The following ANKS1B variants were observed in gnomAD, a reference collection of about 807,000 sequenced individuals.
ANKS1B encodes the protein ankyrin repeat and sterile alpha motif domain-containing protein 1B.
In ANKS1B, 36 loss-of-function variants were observed where a neutral mutation model predicts 148.3. The observed-to-expected ratio is 0.24, with a 90% confidence interval of 0.19 to 0.32. The LOEUF is 0.32. Ranked by LOEUF, ANKS1B falls within the 10% of genes least tolerant of loss-of-function variation. ANKS1B has a pLI of 1.00. For missense variants in ANKS1B, 1,157 were observed against 1,542.6 expected, an observed-to-expected ratio of 0.75 and a Z score of 4.19; for synonymous variants, 542 against 560.8, an observed-to-expected ratio of 0.97 and a Z score of 0.47.
intron 15 of ANKS1B, among the ~76,000 whole-genome samples, chr12:99,149,784 A>G (rs894026485): frequency 6.6e-5 from 10 of 152,030 alleles, no homozygotes; most frequent in Admixed American, 3.3e-4. Flanking sequence ...CTTTATTTCA[A>G]GCTATGATAG....
chr12:99,341,540 G>C lies in ANKS1B; in HGVS notation c.1756+58091C>G, dbSNP rs563762606. 4.6e-5 allele frequency among the ~76,000 whole-genome samples: 7 copies of C among 152,208 alleles called. No homozygotes were observed. The East Asian group carries it at 1.4e-3, about 29-fold the overall frequency. On this transcript the variant is annotated intron_variant, in intron 12 of 26. Transcript: ENST00000683438. ...GCCACATGTGGCTACTGCCTTCTCT[G>C]TTCCCTTCTGCATCTAAATTTGCTC... is the stretch of plus-strand genomic sequence containing the variant.
chr12:99,608,474 A>G (rs950595414), intron 9 of ANKS1B, among the ~76,000 whole-genome samples: 8 of 152,122 alleles, frequency 5.3e-5, no homozygotes, highest in Admixed American at 6.6e-5. Flanking sequence ...CCCTATAGCA[A>G]AAACCACTTA....
chr12:99,291,685 T>A (rs1017063217), intron 12 of ANKS1B, among the ~76,000 whole-genome samples: 6 of 151,946 alleles, frequency 3.9e-5, no homozygotes, highest in African/African-American at 1.5e-4. Context: ...AAACTGGATA[T>A]CCTTATGCAG....
At chr12:99,474,179 T>A (rs573009565) in intron 10 of ANKS1B, among the ~76,000 whole-genome samples, 5 of 152,202 alleles carry the variant, frequency 3.3e-5, no homozygotes, top group Non-Finnish European at 7.4e-5. Context: ...ACTGTTCTTG[T>A]ACTCTCCTTG....
intron 24 of ANKS1B, 134 bp downstream of exon 24, chr12:98,780,983 G>T: frequency 1.6e-6 from 1 of 610,836 alleles, no homozygotes; most frequent in Non-Finnish European, 2.9e-6. Flanking sequence ...ATAGGTATAT[G>T]TAGGAAGCAT....
intron 12 of ANKS1B, among the ~76,000 whole-genome samples, chr12:99,383,351 G>A (rs912895861): frequency 6.6e-6 from 1 of 152,198 alleles, no homozygotes; most frequent in Non-Finnish European, 1.5e-5. Context: ...CGATGAAAAT[G>A]CAGCAGACGT....
At chr12:99,332,160 T>A (rs960438293) in intron 12 of ANKS1B, among the ~76,000 whole-genome samples, 1 of 151,970 alleles carries the variant, frequency 6.6e-6, no homozygotes, top group Non-Finnish European at 1.5e-5. Flanking sequence ...AGCATTGGCA[T>A]CTCCTAGGAG....
chr12:99,645,381 T>C (rs1256557567), intron 9 of ANKS1B, among the ~76,000 whole-genome samples: 2 of 152,172 alleles, frequency 1.3e-5, no homozygotes, highest in Non-Finnish European at 2.9e-5. Flanking sequence ...ATTGTTATGG[T>C]TCAGAGTATC....
At chr12:99,545,578 T>C (rs1008913170) in intron 9 of ANKS1B, among the ~76,000 whole-genome samples, 10 of 151,988 alleles carry the variant, frequency 6.6e-5, no homozygotes, top group African/African-American at 2.4e-4. Context: ...TATTCTTTTC[T>C]TGACTAGAGT....
intron 10 of ANKS1B, among the ~76,000 whole-genome samples, chr12:99,456,156 C>T (rs777597134): frequency 3.3e-5 from 5 of 152,002 alleles, no homozygotes; most frequent in Non-Finnish European, 4.4e-5. Context: ...CACTGGGAGG[C>T]TAGATTCAGA....
At chr12:99,455,829 G>A (rs554104905) in intron 10 of ANKS1B, among the ~76,000 whole-genome samples, 115 of 152,124 alleles carry the variant, frequency 7.6e-4, no homozygotes, top group Admixed American at 2.6e-3. Context: ...GTTATTGTCT[G>A]CTGGCCCTGG....
chr12:99,710,029 T>C (rs2056409566), intron 8 of ANKS1B, among the ~76,000 whole-genome samples: 1 of 152,042 alleles, frequency 6.6e-6, no homozygotes, highest in Non-Finnish European at 1.5e-5. Context: ...ATTGCATAGA[T>C]TTTCCATAAT....
chr12:99,895,946 AT>A (rs2093367830), intron 1 of ANKS1B, among the ~76,000 whole-genome samples: 1 of 150,888 alleles, frequency 6.6e-6, no homozygotes, highest in Admixed American at 6.6e-5. Flanking sequence ...TTTACTTTGC[AT>A]TTTTGCATTG....
At chr12:99,201,997 C>T (rs148214171) in intron 14 of ANKS1B, among the ~76,000 whole-genome samples, 1 of 152,100 alleles carries the variant, frequency 6.6e-6, no homozygotes, top group East Asian at 1.9e-4. Context: ...GGGCACTATG[C>T]TAGGAGCCAA....
In ANKS1B at chr12:99,046,051, T is replaced by C. The variant is rs1041608986; in HGVS notation, c.2778+7106A>G. Among the ~76,000 whole-genome samples, 4 of 152,132 alleles carry C rather than the reference T, an allele frequency of 2.6e-5. No homozygotes were observed. The East Asian group carries it at 5.8e-4, about 22-fold the overall frequency. ...GTCTTTAAAGTTCAAACTGGACTGG[T>C]AAAACTGAGATTTGAAAACTATTCA... is the stretch of plus-strand genomic sequence containing the variant. On this transcript the variant is annotated intron_variant, in intron 17 of 26. Coordinates refer to ENST00000683438, the MANE Select transcript of ANKS1B (RefSeq NM_001352186.2).
chr12:99,777,175 T>C (rs772360326), intron 6 of ANKS1B, among the ~76,000 whole-genome samples: 27 of 152,214 alleles, frequency 1.8e-4, no homozygotes, highest in Non-Finnish European at 3.1e-4. Flanking sequence ...TGCTTATACT[T>C]CTTTATTCAA....
chr12:99,904,614 G>A (rs2093717341), intron 1 of ANKS1B, among the ~76,000 whole-genome samples: 1 of 152,146 alleles, frequency 6.6e-6, no homozygotes, highest in Non-Finnish European at 1.5e-5. Flanking sequence ...CTTCACATAT[G>A]CACTACAGTT....
At chr12:99,155,822 T>C (rs2075979569) in intron 14 of ANKS1B, among the ~76,000 whole-genome samples, 1 of 152,166 alleles carries the variant, frequency 6.6e-6, no homozygotes, top group African/African-American at 2.4e-5. Flanking sequence ...TCTACTTGAA[T>C]ACTGCCTGTA....
At chr12:99,609,948 G>A (rs12299887) in intron 9 of ANKS1B, among the ~76,000 whole-genome samples, 3,028 of 152,068 alleles carry the variant, frequency 0.02, 105 homozygotes, top group African/African-American at 0.069. Context: ...TCCCTTTGCC[G>A]GCTTTTGGTC....
Sources: allele counts gnomAD v4.1 joint callset (sites outside exome capture counted in the v4.1 genomes callset), GRCh38; gene constraint gnomAD v4.1.1; transcripts MANE v1.5; gene names NCBI Gene and HGNC (gene_info 2026-07-23, HGNC 2026-07-21).